Variants in RBM33 observed in about 807,000 individuals in gnomAD.
The protein encoded by RBM33 is RNA-binding protein 33.
A neutral mutation model predicts 132.6 loss-of-function variants in RBM33; 28 were observed. The observed-to-expected ratio is 0.21, with a 90% confidence interval of 0.16 to 0.29. The LOEUF (loss-of-function observed/expected upper bound fraction) is 0.29. Among genes scored for constraint, RBM33 ranks in the 10% least tolerant of loss-of-function variants. RBM33 has a pLI of 1.00. For synonymous variants in RBM33, 634 were observed against 593.0 expected (o/e 1.07, Z -1.01); for missense variants, 1,291 against 1,518.5 (o/e 0.85, Z 2.49).
At chr7:155,710,513 C>T (rs1375206275) in intron 7 of RBM33, among the ~76,000 whole-genome samples, 1 of 152,182 alleles carries the variant, frequency 6.6e-6, no homozygotes, top group East Asian at 1.9e-4. Flanking sequence ...GAATTGAGAT[C>T]TCTGATCACT....
At chr7:155,737,507 C>T (rs1801166471) in intron 9 of RBM33, 23 bp from the exon 10 acceptor site, 13 of 1,564,470 alleles carry the variant, frequency 8.3e-6, no homozygotes, top group South Asian at 2.4e-5. Context: ...CCCTGTTTCT[C>T]TGTTGTTGTT....
chr7:155,700,949 C>A lies in RBM33; in HGVS notation c.739+5C>A. On this transcript the variant is annotated splice_donor_5th_base_variant and intron_variant, in intron 6 of 17. Coordinates refer to ENST00000401878, the MANE Select transcript of RBM33 (RefSeq NM_053043.3). The stretch of plus-strand genomic sequence containing the variant: ...GGAACATTCCAGAAACTTTGGGTAA[C>A]TTTTTTGCCTGTCTCCCATCCTCCT... The A allele has an allele frequency of 6.2e-7, 1 of 1,606,726 alleles. No individual in the cohort carries two copies. The highest frequency in any genetic ancestry group is 8.5e-7 in the Non-Finnish European group (1 of 1,175,422).
chr7:155,735,647 G>A (rs546909807), intron 9 of RBM33, among the ~76,000 whole-genome samples: 9 of 151,884 alleles, frequency 5.9e-5, no homozygotes, highest in Non-Finnish European at 1.3e-4. Flanking sequence ...ACAATGAGCT[G>A]ATTGCGCCAC....
chr7:155,653,078 AT>A (rs796832261), intron 1 of RBM33, among the ~76,000 whole-genome samples: 139 of 151,406 alleles, frequency 9.2e-4, no homozygotes, highest in African/African-American at 3.1e-3. Context: ...TATCTATACT[AT>A]TTTTTTTTAA....
intron 14 of RBM33, among the ~76,000 whole-genome samples, chr7:155,752,801 G>A (rs1458936352): frequency 6.6e-6 from 1 of 152,170 alleles, no homozygotes; most frequent in Non-Finnish European, 1.5e-5. Context: ...TACTTTGGAT[G>A]CAGCTCAAGT....
At chr7:155,652,234 G>A (rs951743323) in intron 1 of RBM33, among the ~76,000 whole-genome samples, 1 of 152,216 alleles carries the variant, frequency 6.6e-6, no homozygotes, top group Non-Finnish European at 1.5e-5. Context: ...TTTCTGTAAA[G>A]GGTCAGATAG....
chr7:155,728,226 T>A (rs189526155), intron 9 of RBM33, among the ~76,000 whole-genome samples: 2 of 152,330 alleles, frequency 1.3e-5, no homozygotes, highest in East Asian at 3.9e-4. Context: ...TCATGACTTC[T>A]TCCTGATTGG....
intron 14 of RBM33, among the ~76,000 whole-genome samples, chr7:155,750,121 C>A (rs1273729231): frequency 6.6e-6 from 1 of 152,136 alleles, no homozygotes; most frequent in Non-Finnish European, 1.5e-5. Flanking sequence ...TATGTGCCTT[C>A]CTGACTATTA....
chr7:155,648,623 CT>C (rs60181743), intron 1 of RBM33, among the ~76,000 whole-genome samples: 95,758 of 150,032 alleles, frequency 0.64, 31,396 homozygotes, highest in South Asian at 0.76. Context: ...GTATTTAATT[CT>C]TTTTTTTTTT....
intron 1 of RBM33, among the ~76,000 whole-genome samples, chr7:155,653,095 A>G (rs1798400182): frequency 6.6e-6 from 1 of 152,092 alleles, no homozygotes; most frequent in African/African-American, 2.4e-5. Flanking sequence ...TTTAAACCAT[A>G]TATCCTTCAA....
intron 5 of RBM33, among the ~76,000 whole-genome samples, chr7:155,698,497 C>G (rs1033108392): frequency 3.9e-5 from 6 of 152,130 alleles, no homozygotes; most frequent in Admixed American, 3.9e-4. Context: ...TTAAGTCTAG[C>G]TTAGTGGATG....
rs1233091794 is a variant in RBM33, at chr7:155,718,475, G to A, written c.1260+32G>A. ...AGCAGCTGCTCCTTCTCCTTTGATAGGGATGAGCATACATTTACTAAGAAA... is the reference window on the plus strand; with the variant it reads ...AGCAGCTGCTCCTTCTCCTTTGATAAGGATGAGCATACATTTACTAAGAAA... On this transcript the variant is annotated intron_variant, in intron 9 of 17. Transcript: ENST00000401878. 2.6e-6 allele frequency: 4 copies of A among 1,562,616 alleles called. No homozygotes were observed. The South Asian group carries it at 3.3e-5, about 13-fold the overall frequency.
intron 1 of RBM33, among the ~76,000 whole-genome samples, chr7:155,653,914 C>G (rs1798423676): frequency 6.6e-6 from 1 of 152,120 alleles, no homozygotes; most frequent in Non-Finnish European, 1.5e-5. Flanking sequence ...AGTGGGGCAG[C>G]CTTGTGAAAC....
chr7:155,677,308 A>T (rs1799213250), intron 3 of RBM33, among the ~76,000 whole-genome samples: 1 of 150,652 alleles, frequency 6.6e-6, no homozygotes, highest in African/African-American at 2.4e-5. Context: ...TTCCGATTTC[A>T]AGCAATTCTC....
Position 155,665,217 on chromosome 7 carries a change from C to T in RBM33, c.86C>T (p.Ser29Leu). 2 of 1,613,802 alleles carry T rather than the reference C, an allele frequency of 1.2e-6. No homozygotes were observed. The highest frequency in any genetic ancestry group is 8.5e-7 in the Non-Finnish European group (1 of 1,179,816). ...DQFDKPGAER[S>L]WRRRAADEDW... is the part of the protein sequence containing the mutation. ...TTTGATAAGCCTGGCGCGGAACGGT[C>T]GTGGAGAAGAAGAGCTGCTGATGAG... The change falls in exon 2 of 18, where the codon TCG (serine) becomes TTG (leucine). Residue 29 changes from serine (S) to leucine (L), a missense_variant. Ser to Leu is a moderately radical substitution (Grantham distance 145). This residue lies in a region of RBM33 where 194 missense variants were observed against 249.8 expected (regional missense o/e 0.78). Coordinates refer to ENST00000401878, the MANE Select transcript of RBM33 (RefSeq NM_053043.3).
chr7:155,773,315 C>T (rs1802490962), intron 16 of RBM33, among the ~76,000 whole-genome samples: 1 of 152,070 alleles, frequency 6.6e-6, no homozygotes, highest in African/African-American at 2.4e-5. Flanking sequence ...CCTGTAATCC[C>T]AGCACTTTGG....
chr7:155,687,130 C>T (rs893021557), intron 5 of RBM33, among the ~76,000 whole-genome samples: 6 of 152,346 alleles, frequency 3.9e-5, no homozygotes, highest in Non-Finnish European at 7.3e-5. Flanking sequence ...TCCACATCCT[C>T]TCCAGCACCT....
chr7:155,748,402 G>C (rs1801587843), intron 14 of RBM33, among the ~76,000 whole-genome samples: 2 of 152,140 alleles, frequency 1.3e-5, no homozygotes, highest in Admixed American at 6.5e-5. Flanking sequence ...TCAAGAACTT[G>C]TGCTCTGGTG....
intron 5 of RBM33, among the ~76,000 whole-genome samples, chr7:155,690,767 C>CT (rs949690320): frequency 2.6e-5 from 4 of 152,094 alleles, no homozygotes; most frequent in East Asian, 3.9e-4. Flanking sequence ...GTTGAAAATT[C>CT]TTTTTTTTAA....
Sources: allele counts gnomAD v4.1 joint callset (sites outside exome capture counted in the v4.1 genomes callset), GRCh38; gene constraint gnomAD v4.1.1; regional missense constraint gnomAD v4.1.1; transcripts MANE v1.5; gene names NCBI Gene and HGNC (gene_info 2026-07-23, HGNC 2026-07-21).